Variants in PDPN observed in about 807,000 individuals in gnomAD.
The protein encoded by PDPN is PA2.26 antigen.
A neutral mutation model predicts 23.2 loss-of-function variants in PDPN; 12 were observed. The observed-to-expected ratio is 0.52, with a 90% CI of 0.33 to 0.84. The LOEUF (loss-of-function observed/expected upper bound fraction) is 0.84, where lower values mean the gene tolerates loss of function less well. Among genes scored for constraint, PDPN ranks in the 40% least tolerant of loss-of-function variants. The pLI, the probability that PDPN is intolerant of heterozygous loss-of-function variation, is 0.02. For synonymous variants in PDPN, 77 were observed against 76.7 expected, an observed-to-expected ratio of 1.00 and a Z score of -0.02; for missense variants, 199 against 212.2, an observed-to-expected ratio of 0.94 and a Z score of 0.39.
chr1:13,594,660 G>C (rs1431471248), intron 1 of PDPN, among the ~76,000 whole-genome samples: 1 of 152,134 alleles, frequency 6.6e-6, no homozygotes, highest in Non-Finnish European at 1.5e-5. Context: ...GCTAAAAAAT[G>C]AGGATGATAC....
At chr1:13,588,684 T>C (rs1640251476) in intron 1 of PDPN, among the ~76,000 whole-genome samples, 1 of 147,630 alleles carries the variant, frequency 6.8e-6, no homozygotes, top group Admixed American at 6.8e-5. Context: ...ATATATAATA[T>C]ATGTATTTTT....
At chr1:13,595,955 T>C in intron 1 of PDPN, 2 of 1,083,628 alleles carry the variant, frequency 1.8e-6, no homozygotes, top group Non-Finnish European at 2.5e-6. Context: ...CCCAGGACTT[T>C]GGGAGGCTGA....
In PDPN at chr1:13,614,313, A is replaced by C. The variant is rs1309600243; in HGVS notation, c.384A>C (p.Thr128=). The part of the protein sequence containing the change: ...QTTVEKDGLS[T]VTLVGIIVGV... ...TCTCTTGTTCAGATGGTTTGTCAACAGTGACCCTGGTTGGAATCATAGTTG... is the reference window on the plus strand; with the variant it reads ...TCTCTTGTTCAGATGGTTTGTCAACCGTGACCCTGGTTGGAATCATAGTTG... The change falls in exon 5 of 6, where the codon ACA becomes ACC. Residue 128 remains threonine (T), a synonymous_variant. Transcript: ENST00000621990. The C allele has an allele frequency of 6.3e-7, 1 of 1,588,960 alleles. No individual in the cohort carries two copies. The highest frequency in any genetic ancestry group is 8.6e-7 in the Non-Finnish European group (1 of 1,157,292).
In PDPN at chr1:13,610,382, A is replaced by T. The variant is rs1640902079; in HGVS notation, c.202-5A>T. The T allele has an allele frequency of 1.2e-6, 2 of 1,612,118 alleles. No homozygotes were observed. The highest frequency in any genetic ancestry group is 2.7e-5 in the African/African-American group (2 of 74,982). On this transcript the variant is annotated splice_polypyrimidine_tract_variant and splice_region_variant and intron_variant, in intron 2 of 5. Coordinates refer to ENST00000621990, the MANE Select transcript of PDPN (RefSeq NM_006474.5). ...CCTGTTTTTCCTCATTTACACCTAC[A>T]ATAGGTGGCAACAAGTGTCAACAGT... is the stretch of plus-strand genomic sequence containing the variant.
intron 5 of PDPN, 109 bp downstream of exon 5, chr1:13,614,520 C>T (rs186060318): frequency 3.4e-5 from 24 of 704,464 alleles, no homozygotes; most frequent in Non-Finnish European, 4.6e-5. Context: ...TGTGGTGGCT[C>T]GTGCCTGTAG....
chr1:13,611,558 T>C (rs1185249926), intron 3 of PDPN, among the ~76,000 whole-genome samples: 2 of 152,200 alleles, frequency 1.3e-5, no homozygotes, highest in Non-Finnish European at 2.9e-5. Flanking sequence ...AGTGGTGGTT[T>C]GCCAGGGGCT....
At chr1:13,610,598 A>AATCAATAGGGGGCATATTGGG in intron 3 of PDPN, 82 bp downstream of exon 3, 2 of 1,360,906 alleles carry the variant, frequency 1.5e-6, no homozygotes, top group South Asian at 2.5e-5. Context: ...CAAATAGAAT[A>AATCAATAGGGGGCATATTGGG]ATCAATAGGG....
chr1:13,591,088 C>T (rs533986726), intron 1 of PDPN, among the ~76,000 whole-genome samples: 24 of 152,104 alleles, frequency 1.6e-4, no homozygotes, highest in African/African-American at 3.6e-4. Context: ...ATTACAGGCA[C>T]GTGCCACCAC....
chr1:13,602,913 T>C (rs1640683821), intron 1 of PDPN, among the ~76,000 whole-genome samples: 1 of 152,022 alleles, frequency 6.6e-6, no homozygotes, highest in Non-Finnish European at 1.5e-5. Context: ...GCACAGTGGC[T>C]CATGCCTGTG....
At chr1:13,584,265 G>A in intron 1 of PDPN, 165 bp downstream of exon 1, 1 of 1,531,868 alleles carries the variant, frequency 6.5e-7, no homozygotes, top group Middle Eastern at 2.3e-4. Flanking sequence ...AGAGGCAGCG[G>A]CTTAGTCGGT....
intron 1 of PDPN, among the ~76,000 whole-genome samples, chr1:13,585,272 A>G (rs1026245114): frequency 3.3e-5 from 5 of 152,262 alleles, no homozygotes; most frequent in Admixed American, 1.3e-4. Flanking sequence ...GGCCTCCTAC[A>G]ATGGTCCACA....
chr1:13,614,816 C>A (rs760693836), intron 5 of PDPN: 3 of 517,718 alleles, frequency 5.8e-6, no homozygotes, highest in Non-Finnish European at 1.2e-5. Context: ...TCTTCATCTT[C>A]AAAAGGACTA....
At chr1:13,592,029 T>C (rs1640360854) in intron 1 of PDPN, among the ~76,000 whole-genome samples, 1 of 152,232 alleles carries the variant, frequency 6.6e-6, no homozygotes, top group Non-Finnish European at 1.5e-5. Flanking sequence ...TGAAATGACA[T>C]CTGGTAGTTT....
chr1:13,594,064 G>C (rs554408438), intron 1 of PDPN, among the ~76,000 whole-genome samples: 2 of 152,342 alleles, frequency 1.3e-5, no homozygotes, highest in East Asian at 3.9e-4. Flanking sequence ...GCAGTTCTGA[G>C]CCATGTTTGT....
chr1:13,591,004 C>T (rs1467904239), intron 1 of PDPN, among the ~76,000 whole-genome samples: 6 of 151,816 alleles, frequency 4.0e-5, no homozygotes, highest in African/African-American at 7.3e-5. Flanking sequence ...TGCAATGGCG[C>T]GATCTTGGCT....
intron 1 of PDPN, 122 bp downstream of exon 1, chr1:13,584,222 T>C (rs1379069368): frequency 9.2e-6 from 14 of 1,522,396 alleles, no homozygotes; most frequent in Non-Finnish European, 1.2e-5. Context: ...GCTGAGGGTG[T>C]GTGCGTGTCA....
chr1:13,603,255 C>T lies in PDPN; in HGVS notation c.68-3918C>T, dbSNP rs151120920. ...AAAATTAGCTGGGCGTGGTGGTGCA[C>T]ACCTGTAATCCCAGCTACTTGGGAG... On this transcript the variant is annotated intron_variant, in intron 1 of 5. Coordinates refer to ENST00000621990, the MANE Select transcript of PDPN (RefSeq NM_006474.5). 3.9e-3 allele frequency among the ~76,000 whole-genome samples: 592 copies of T among 152,014 alleles called. 2 individuals are homozygous for T. The highest frequency in any genetic ancestry group is 0.031 in the Middle Eastern group (9 of 290).
At chr1:13,615,578 A>G (rs2487628) in intron 5 of PDPN, among the ~76,000 whole-genome samples, 121,155 of 151,934 alleles carry the variant, frequency 0.8, 48,542 homozygotes, top group Admixed American at 0.85. Context: ...GAGCCACCGC[A>G]CCCAGCCAAA....
chr1:13,611,178 G>A (rs893021349), intron 3 of PDPN, among the ~76,000 whole-genome samples: 10 of 151,212 alleles, frequency 6.6e-5, no homozygotes, highest in African/African-American at 2.4e-4. Context: ...CCCAGATGAC[G>A]CCACTGCACT....
Sources: allele counts gnomAD v4.1 joint callset (sites outside exome capture counted in the v4.1 genomes callset), GRCh38; gene constraint gnomAD v4.1.1; transcripts MANE v1.5; gene names NCBI Gene and HGNC (gene_info 2026-07-23, HGNC 2026-07-21).